Variants in KSR1 observed in about 807,000 individuals in gnomAD.
KSR1 encodes the protein kinase suppressor of ras 1.
KSR1 carries 35 observed loss-of-function variants against 92.9 expected under a neutral mutation model. The ratio of observed to expected loss-of-function variants is 0.38; its 90% CI spans 0.29 to 0.50. The LOEUF is 0.50. Among genes scored for constraint, KSR1 ranks in the 20% least tolerant of loss-of-function variants. The probability of loss-of-function intolerance (pLI) is 0.94; values close to 1 mark genes in which losing one functional copy is unlikely to be tolerated. For missense variants in KSR1, 972 were observed against 1,158.5 expected (o/e 0.84, Z 2.34); for synonymous variants, 467 against 472.6 (o/e 0.99, Z 0.15).
chr17:27,521,145 T>G (rs2070009749), intron 1 of KSR1, among the ~76,000 whole-genome samples: 1 of 152,132 alleles, frequency 6.6e-6, no homozygotes, highest in Non-Finnish European at 1.5e-5. Context: ...CTGGGCCAGC[T>G]GACTTAGTAC....
At chr17:27,532,337 G>A (rs2070573509) in intron 1 of KSR1, among the ~76,000 whole-genome samples, 1 of 152,182 alleles carries the variant, frequency 6.6e-6, no homozygotes, top group Non-Finnish European at 1.5e-5. Flanking sequence ...TATGGTAGCT[G>A]GGTCACCTGG....
intron 1 of KSR1, among the ~76,000 whole-genome samples, chr17:27,488,162 G>A (rs1238428375): frequency 6.6e-6 from 1 of 152,166 alleles, no homozygotes; most frequent in African/African-American, 2.4e-5. Context: ...TTTTTGAATT[G>A]TGAAATATCA....
intron 1 of KSR1, chr17:27,526,372 C>CCA (rs1375476177): frequency 2.3e-5 from 33 of 1,441,414 alleles, no homozygotes. Flanking sequence ...TACAAGAGAG[C>CCA]CACCCCCAAA....
intron 14 of KSR1, 101 bp downstream of exon 14, chr17:27,605,914 A>C: frequency 6.8e-7 from 1 of 1,469,796 alleles, no homozygotes; most frequent in South Asian, 1.3e-5. Flanking sequence ...GGAAGTTCTA[A>C]TAGAGGCATA....
chr17:27,501,284 C>CTTTTTTTTTTTTTTT (rs2069171184), intron 1 of KSR1, among the ~76,000 whole-genome samples: 1 of 48,288 alleles, frequency 2.1e-5, no homozygotes, highest in Non-Finnish European at 4.3e-5. Context: ...TTTTTAATTT[C>CTTTTTTTTTTTTTTT]TTTTCTTCTT....
chr17:27,611,740 GC>G, intron 18 of KSR1, 111 bp downstream of exon 18: 1 of 1,262,790 alleles, frequency 7.9e-7, no homozygotes, highest in Non-Finnish European at 1.1e-6. Flanking sequence ...GAGGAGCTCT[GC>G]CACCTGCACG....
chr17:27,567,620 C>G (rs1567836417), intron 2 of KSR1, among the ~76,000 whole-genome samples: 1 of 152,218 alleles, frequency 6.6e-6, no homozygotes, highest in Non-Finnish European at 1.5e-5. Context: ...CTTGGCGTCC[C>G]TTAGGCAGAG....
chr17:27,588,563 C>A, intron 6 of KSR1, 28 bp downstream of exon 6: 1 of 1,569,196 alleles, frequency 6.4e-7, no homozygotes. Flanking sequence ...GGAGGGGGAG[C>A]AGGGCACAGC....
intron 17 of KSR1, among the ~76,000 whole-genome samples, chr17:27,610,554 G>T (rs547280951): frequency 6.6e-6 from 1 of 152,186 alleles, no homozygotes; most frequent in African/African-American, 2.4e-5. Context: ...CTCCCAGTCT[G>T]GGGGAGCTGG....
chr17:27,617,631 A>C, intron 19 of KSR1: 1 of 551,440 alleles, frequency 1.8e-6, no homozygotes, highest in Non-Finnish European at 3.2e-6. Flanking sequence ...GGGTTCAAGC[A>C]ATTCTCCTGC....
intron 1 of KSR1, among the ~76,000 whole-genome samples, chr17:27,513,458 G>A (rs1236491920): frequency 1.3e-5 from 2 of 152,090 alleles, no homozygotes; most frequent in Non-Finnish European, 2.9e-5. Context: ...GAGCATTGTT[G>A]GACATGACTC....
In KSR1 at chr17:27,621,207, G is replaced by T. The variant is rs374050273; in HGVS notation, c.2642G>T (p.Arg881Leu). ...FWKSADRWRS[R>L]YYGKGRYGHP... The stretch of plus-strand genomic sequence containing the variant: ...GGCACTCCCAGTCGCTGGAGGAGCC[G>T]CTACTATGGAAAAGGACGCTACGGC... Residue 881 changes from arginine to leucine, a missense_variant, in exon 20 of 21, where the codon CGC becomes CTC. By Grantham distance (102) the Arg-to-Leu change is moderately radical. This residue lies in a region of KSR1 where 46 missense variants were observed against 39.0 expected (regional missense o/e 1.18). Coordinates refer to ENST00000644974, the MANE Select transcript of KSR1 (RefSeq NM_001394583.1). The T allele has an allele frequency of 5.0e-6, 2 of 398,528 alleles. No individual in the cohort carries two copies. The highest frequency in any genetic ancestry group is 4.4e-5 in the Admixed American group (1 of 22,722). The allele number at this position is 398,528 out of a possible 1,614,324, so 24.7% of individuals were successfully genotyped here.
At chr17:27,601,864 G>C (rs956334648) in intron 11 of KSR1, 16 of 1,577,838 alleles carry the variant, frequency 1.0e-5, no homozygotes, top group African/African-American at 2.7e-5. Flanking sequence ...CTCTTAGTGG[G>C]CTTCACCCTT....
chr17:27,619,318 T>C (rs1247430790), intron 19 of KSR1, among the ~76,000 whole-genome samples: 1 of 152,212 alleles, frequency 6.6e-6, no homozygotes, highest in Non-Finnish European at 1.5e-5. Context: ...GTTACTGTTT[T>C]TTAACCCTTT....
intron 1 of KSR1, among the ~76,000 whole-genome samples, chr17:27,525,927 C>A: frequency 6.6e-6 from 1 of 152,210 alleles, no homozygotes. Context: ...CAATTTGGAA[C>A]AGTTTGCGTG....
chr17:27,507,763 A>G (rs1044779699), intron 1 of KSR1, among the ~76,000 whole-genome samples: 9 of 151,214 alleles, frequency 6.0e-5, no homozygotes, highest in African/African-American at 1.9e-4. Flanking sequence ...TTAGTAGAGA[A>G]AGGGTTTCTC....
intron 16 of KSR1, chr17:27,609,857 T>G: frequency 3.8e-6 from 2 of 529,614 alleles, no homozygotes; most frequent in Non-Finnish European, 6.5e-6. Context: ...TTGCCCTGCT[T>G]TTCTAGAAAC....
At chr17:27,469,135 C>T (rs1409077049) in intron 1 of KSR1, among the ~76,000 whole-genome samples, 1 of 152,176 alleles carries the variant, frequency 6.6e-6, no homozygotes, top group Non-Finnish European at 1.5e-5. Flanking sequence ...GCGGTTCCAG[C>T]CTGGAACCCG....
chr17:27,465,797 G>T (rs956851286), intron 1 of KSR1, among the ~76,000 whole-genome samples: 3 of 152,022 alleles, frequency 2.0e-5, no homozygotes, highest in African/African-American at 7.2e-5. Flanking sequence ...ATTAATTTGG[G>T]TTTAGTTTTG....
Sources: allele counts gnomAD v4.1 joint callset (sites outside exome capture counted in the v4.1 genomes callset), GRCh38; gene constraint gnomAD v4.1.1; regional missense constraint gnomAD v4.1.1; transcripts MANE v1.5; gene names NCBI Gene and HGNC (gene_info 2026-07-23, HGNC 2026-07-21).